Variants in RNLS observed in about 807,000 individuals in gnomAD.
RNLS encodes the protein renalase.
In RNLS, 39 loss-of-function variants were observed where a neutral mutation model predicts 39.8. That is an observed-to-expected ratio of 0.98 (90% CI 0.76 to 1.28). The LOEUF (loss-of-function observed/expected upper bound fraction) is 1.28. Ranked by LOEUF, RNLS falls within the 50% of genes most tolerant of loss-of-function variation. The probability of loss-of-function intolerance (pLI) is 0.00; values close to 1 mark genes in which losing one functional copy is unlikely to be tolerated. For missense variants in RNLS, 410 were observed against 413.3 expected (o/e 0.99, Z 0.07); for synonymous variants, 147 against 150.7 (o/e 0.98, Z 0.18).
At chr10:88,327,781 T>TTTG (rs2133138365) in intron 5 of RNLS, among the ~76,000 whole-genome samples, 2 of 152,364 alleles carry the variant, frequency 1.3e-5, no homozygotes, top group Admixed American at 6.5e-5. Flanking sequence ...TTTTTGTATT[T>TTTG]TAGTAGAGAC....
chr10:88,262,185 C>T, the RNLS span, among the ~76,000 whole-genome samples: 1 of 152,022 alleles, frequency 6.6e-6, no homozygotes, highest in Non-Finnish European at 1.5e-5. Flanking sequence ...ATGCCATAGA[C>T]AGGAATTTTT....
At chr10:88,282,520 C>T (rs1351716805), downstream of RNLS, among the ~76,000 whole-genome samples, 3 of 115,850 alleles carry the variant, frequency 2.6e-5, no homozygotes, top group African/African-American at 9.6e-5. Context: ...CACACACACA[C>T]ACACACGCTT....
chr10:88,524,445 T>C (rs1846955936), intron 4 of RNLS, among the ~76,000 whole-genome samples: 1 of 152,170 alleles, frequency 6.6e-6, no homozygotes, highest in Non-Finnish European at 1.5e-5. Flanking sequence ...AAAGAAATCC[T>C]GACCTGCACC....
the RNLS span, among the ~76,000 whole-genome samples, chr10:88,244,581 A>G: frequency 6.6e-6 from 1 of 152,222 alleles, no homozygotes; most frequent in African/African-American, 2.4e-5. Flanking sequence ...TACAAAAAAC[A>G]AGATGATTCA....
intron 4 of RNLS, among the ~76,000 whole-genome samples, chr10:88,413,249 G>A (rs1224514699): frequency 1.3e-5 from 2 of 152,070 alleles, no homozygotes; most frequent in Non-Finnish European, 2.9e-5. Flanking sequence ...CACTAATCTT[G>A]ATCTTATGTC....
chr10:88,326,371 T>C (rs1034743255), intron 5 of RNLS, among the ~76,000 whole-genome samples: 4 of 152,188 alleles, frequency 2.6e-5, no homozygotes, highest in Admixed American at 2.0e-4. Flanking sequence ...GATGAGGAAC[T>C]TATTGGGAAC....
In RNLS at chr10:88,582,244, T is replaced by C; in HGVS notation, c.182A>G (p.Gln61Arg). 1 of 1,614,126 alleles carries C rather than the reference T, an allele frequency of 6.2e-7. No individual in the cohort carries two copies. Among genetic ancestry groups the C allele is most frequent in the Non-Finnish European group, 8.5e-7 (1 of 1,180,004 alleles). Residue 61 changes from glutamine to arginine, a missense_variant, in exon 2 of 7, where the codon CAG becomes CGG. Gln to Arg is a conservative substitution (Grantham distance 43). Transcript: ENST00000331772. Reference protein sequence around the residue: ...NPQCTADLGAQYITCTPHYAK... With the variant: ...NPQCTADLGARYITCTPHYAK... ...ATAATGAGGAGTGCAGGTGATGTAC[T>C]GAGCACCCAAGTCAGCTGTGCACTG...
At chr10:88,436,727 T>G (rs2133830449) in intron 4 of RNLS, among the ~76,000 whole-genome samples, 1 of 152,264 alleles carries the variant, frequency 6.6e-6, no homozygotes, top group South Asian at 2.1e-4. Context: ...AATTCTATCA[T>G]TTACCCCTAT....
At chr10:88,442,529 G>A (rs1841774810) in intron 4 of RNLS, among the ~76,000 whole-genome samples, 1 of 152,100 alleles carries the variant, frequency 6.6e-6, no homozygotes, top group Admixed American at 6.5e-5. Flanking sequence ...AGCCCTGATG[G>A]TTTTAATCTT....
chr10:88,417,429 C>A lies in RNLS; in HGVS notation c.527-54704G>T, dbSNP rs569784253. 2.0e-5 allele frequency among the ~76,000 whole-genome samples: 3 copies of A among 152,258 alleles called. No individual in the cohort carries two copies. In the South Asian group the frequency reaches 6.2e-4, roughly 32 times the overall value. On this transcript the variant is annotated intron_variant, in intron 4 of 6. Transcript: ENST00000331772. ...ATTAATAAAGTGGTTCTTTTTAAAA[C>A]AGCAAGAGTCCACATTTATGGAGAA...
chr10:88,189,129 G>T, the RNLS span, among the ~76,000 whole-genome samples: 1 of 152,156 alleles, frequency 6.6e-6, no homozygotes, highest in African/African-American at 2.4e-5. Flanking sequence ...GACACAAAGA[G>T]AACCACATAT....
the RNLS span, among the ~76,000 whole-genome samples, chr10:88,203,454 GTGTATATATATATA>G: frequency 0.021 from 18 of 838 alleles, 7 homozygotes; most frequent in South Asian, 0.094. Context: ...GTGTGTGTGT[GTGTATATATATATA>G]TATATATATA....
chr10:88,509,756 A>C (rs1434277675), intron 4 of RNLS, among the ~76,000 whole-genome samples: 1 of 152,126 alleles, frequency 6.6e-6, no homozygotes, highest in Non-Finnish European at 1.5e-5. Flanking sequence ...GGAAGGCTTA[A>C]ATAGTAACAC....
At chr10:88,175,054 T>C in the RNLS span, among the ~76,000 whole-genome samples, 2 of 152,194 alleles carry the variant, frequency 1.3e-5, no homozygotes, top group Non-Finnish European at 2.9e-5. Flanking sequence ...ATATAGTTAT[T>C]CAAGTAGCCT....
intron 4 of RNLS, among the ~76,000 whole-genome samples, chr10:88,488,931 C>T (rs1313709001): frequency 6.6e-6 from 1 of 152,150 alleles, no homozygotes; most frequent in Non-Finnish European, 1.5e-5. Flanking sequence ...TCAGTTCAGA[C>T]TGCATGGCCT....
At chr10:88,174,717 G>T in the RNLS span, among the ~76,000 whole-genome samples, 1 of 152,062 alleles carries the variant, frequency 6.6e-6, no homozygotes, top group East Asian at 1.9e-4. Context: ...GGTCTGTTTT[G>T]TGTATTTGTT....
intron 4 of RNLS, among the ~76,000 whole-genome samples, chr10:88,570,860 T>C (rs2134435990): frequency 6.6e-6 from 1 of 152,124 alleles, no homozygotes; most frequent in East Asian, 1.9e-4. Flanking sequence ...GCAAGGTAAG[T>C]AAATCCTGGA....
intron 4 of RNLS, among the ~76,000 whole-genome samples, chr10:88,414,958 T>A (rs887768952): frequency 6.6e-6 from 1 of 152,136 alleles, no homozygotes; most frequent in African/African-American, 2.4e-5. Context: ...GAGAGAAGAC[T>A]GAAAAGGTGC....
intron 5 of RNLS, among the ~76,000 whole-genome samples, chr10:88,316,259 T>G (rs182089670): frequency 1.0e-3 from 158 of 152,324 alleles, no homozygotes; most frequent in Admixed American, 2.4e-3. Flanking sequence ...TCTTTGAATG[T>G]TCAATGTGTA....
Sources: allele counts gnomAD v4.1 joint callset (sites outside exome capture counted in the v4.1 genomes callset), GRCh38; gene constraint gnomAD v4.1.1; transcripts MANE v1.5; gene names NCBI Gene and HGNC (gene_info 2026-07-23, HGNC 2026-07-21).